Variants in RBFOX3 observed in about 807,000 individuals in gnomAD.
The protein encoded by RBFOX3 is RNA binding protein fox-1 homolog 3.
In RBFOX3, 17 loss-of-function variants were observed where a neutral mutation model predicts 48.7. The observed-to-expected ratio is 0.35, with a 90% CI of 0.24 to 0.52. The LOEUF is 0.52. Among genes scored for constraint, RBFOX3 ranks in the 20% least tolerant of loss-of-function variants. RBFOX3 has a pLI of 0.94. For synonymous variants in RBFOX3, 212 were observed against 209.5 expected, an observed-to-expected ratio of 1.01 and a Z score of -0.10; for missense variants, 382 against 497.5, an observed-to-expected ratio of 0.77 and a Z score of 2.21.
intron 4 of RBFOX3, among the ~76,000 whole-genome samples, chr17:79,189,424 G>A (rs556572065): frequency 3.4e-4 from 52 of 152,310 alleles, no homozygotes; most frequent in African/African-American, 1.1e-3. Context: ...GAACATGCTC[G>A]TCGTTAGCCC....
intron 1 of RBFOX3, among the ~76,000 whole-genome samples, chr17:79,553,694 T>C (rs1318210344): frequency 6.6e-6 from 1 of 152,156 alleles, no homozygotes; most frequent in Admixed American, 6.6e-5. Context: ...TCATTATGTG[T>C]TCCTTGGGTT....
intron 3 of RBFOX3, among the ~76,000 whole-genome samples, chr17:79,274,790 G>T (rs971653718): frequency 2.0e-5 from 3 of 151,988 alleles, no homozygotes; most frequent in Non-Finnish European, 4.4e-5. Flanking sequence ...CAGGAGGCAC[G>T]CTTGGCTCCT....
chr17:79,641,934 T>G, the RBFOX3 span, among the ~76,000 whole-genome samples: 2 of 152,174 alleles, frequency 1.3e-5, no homozygotes, highest in Non-Finnish European at 1.5e-5. Context: ...CCACCATGAT[T>G]ATAAGTTTCC....
chr17:79,605,361 C>T (rs2093803302), intron 1 of RBFOX3, among the ~76,000 whole-genome samples: 1 of 152,174 alleles, frequency 6.6e-6, no homozygotes, highest in Non-Finnish European at 1.5e-5. Flanking sequence ...CAGGCAGTTT[C>T]CTTGCCTGCA....
intron 2 of RBFOX3, among the ~76,000 whole-genome samples, chr17:79,431,124 C>T (rs540262221): frequency 3.3e-5 from 5 of 152,222 alleles, no homozygotes; most frequent in Admixed American, 3.3e-4. Flanking sequence ...ATGGGTATTG[C>T]ACATGAAAAG....
intron 4 of RBFOX3, among the ~76,000 whole-genome samples, chr17:79,139,717 G>A (rs2041518222): frequency 5.3e-5 from 8 of 152,196 alleles, no homozygotes; most frequent in Admixed American, 5.2e-4. Flanking sequence ...CCGCGAAAAA[G>A]GAGATCCTTC....
chr17:79,514,297 C>T (rs1364493731), intron 1 of RBFOX3, among the ~76,000 whole-genome samples: 1 of 152,212 alleles, frequency 6.6e-6, no homozygotes, highest in Non-Finnish European at 1.5e-5. Context: ...ACATTCAGAA[C>T]ATGCACCTGG....
intron 3 of RBFOX3, among the ~76,000 whole-genome samples, chr17:79,255,356 C>T (rs1422820476): frequency 6.6e-6 from 1 of 151,990 alleles, no homozygotes; most frequent in East Asian, 1.9e-4. Flanking sequence ...ACATCAGTGA[C>T]ACCGTTGAGA....
At chr17:79,387,461 G>A (rs941576969) in intron 2 of RBFOX3, among the ~76,000 whole-genome samples, 4 of 152,190 alleles carry the variant, frequency 2.6e-5, no homozygotes, top group Non-Finnish European at 4.4e-5. Context: ...TCAGCTTTCC[G>A]GCAGGGCCTG....
chr17:79,203,846 A>G (rs571286976), intron 4 of RBFOX3, among the ~76,000 whole-genome samples: 7 of 152,268 alleles, frequency 4.6e-5, no homozygotes, highest in African/African-American at 1.2e-4. Context: ...TACCAATTAC[A>G]ATTGACACCA....
At chr17:79,394,150 G>A (rs1178665864) in intron 2 of RBFOX3, among the ~76,000 whole-genome samples, 2 of 152,116 alleles carry the variant, frequency 1.3e-5, no homozygotes, top group Non-Finnish European at 1.5e-5. Flanking sequence ...TGGTCCCCGC[G>A]CACATCATCT....
intron 2 of RBFOX3, among the ~76,000 whole-genome samples, chr17:79,413,446 C>A (rs1239326065): frequency 6.6e-6 from 1 of 152,236 alleles, no homozygotes; most frequent in African/African-American, 2.4e-5. Context: ...AAAAGTGACA[C>A]CTGGGCTACT....
chr17:79,610,791 C>G (rs1266602852), intron 1 of RBFOX3, among the ~76,000 whole-genome samples, 35 bp downstream of exon 1: 3 of 152,050 alleles, frequency 2.0e-5, no homozygotes, highest in African/African-American at 4.8e-5. Flanking sequence ...ATGACCGCCG[C>G]AGAGCGAGGC....
intron 2 of RBFOX3, among the ~76,000 whole-genome samples, chr17:79,366,449 G>A (rs1048445142): frequency 4.6e-5 from 7 of 152,212 alleles, no homozygotes; most frequent in African/African-American, 7.2e-5. Context: ...CTCTAAAAGC[G>A]AGCTGTGATT....
chr17:79,390,997 C>T lies in RBFOX3; in HGVS notation c.-174-83173G>A, dbSNP rs1340109458. Among the ~76,000 whole-genome samples the T allele has an allele frequency of 2.0e-5, 3 of 152,288 alleles. No homozygotes were observed. The highest frequency in any genetic ancestry group is 4.4e-5 in the Non-Finnish European group (3 of 68,038). ...TTTCTTCTCCACAGCCCCCTGATTCCCACAGATCCTTCCCTGGAAGGCTTT... is the reference window on the plus strand; with the variant it reads ...TTTCTTCTCCACAGCCCCCTGATTCTCACAGATCCTTCCCTGGAAGGCTTT... On this transcript the variant is annotated intron_variant, in intron 2 of 14. Coordinates refer to ENST00000693108, the MANE Select transcript of RBFOX3 (RefSeq NM_001350451.2). This position sits in a 1 kb window ranked among gnomAD's most constrained non-coding sequence, Gnocchi z 4.2.
chr17:79,457,624 C>T (rs560592482), intron 2 of RBFOX3, among the ~76,000 whole-genome samples: 2 of 152,194 alleles, frequency 1.3e-5, no homozygotes, highest in African/African-American at 4.8e-5. Flanking sequence ...GGCAGTGTGG[C>T]AGCACAGAGC....
At chr17:79,504,758 C>G (rs1049183438) in intron 1 of RBFOX3, among the ~76,000 whole-genome samples, 1 of 152,244 alleles carries the variant, frequency 6.6e-6, no homozygotes, top group East Asian at 1.9e-4. Context: ...CTTCATCACA[C>G]CTACAAAGTC....
chr17:79,376,327 C>T (rs1043890829), intron 2 of RBFOX3, among the ~76,000 whole-genome samples: 2 of 152,146 alleles, frequency 1.3e-5, no homozygotes, highest in Non-Finnish European at 2.9e-5. Flanking sequence ...GTTCCTGAAG[C>T]TGCCTTCCCA....
intron 2 of RBFOX3, among the ~76,000 whole-genome samples, chr17:79,365,616 G>A (rs56259513): frequency 0.26 from 39,355 of 152,206 alleles, 6,141 homozygotes; most frequent in East Asian, 0.36. Flanking sequence ...ATGCTTTAAC[G>A]GAATATGTTT....
Sources: gnomAD v4.1 joint callset for allele counts (sites outside exome capture counted in the v4.1 genomes callset) on GRCh38, gnomAD v4.1.1 for gene constraint, Gnocchi (gnomAD v3.1) non-coding constraint, MANE v1.5 for transcripts, NCBI Gene and HGNC (gene_info 2026-07-23, HGNC 2026-07-21) for gene names.